The following CFTR variants were observed in gnomAD, a reference collection of about 807,000 sequenced individuals.
CFTR encodes CF transmembrane conductance regulator.
Under a neutral mutation model 171.6 loss-of-function variants are expected in CFTR, and 181 were observed. That is an observed-to-expected ratio of 1.05 (90% CI 0.93 to 1.19). The LOEUF (loss-of-function observed/expected upper bound fraction) is 1.19, where lower values mean the gene tolerates loss of function less well. Among genes scored for constraint, CFTR ranks in the 50% most tolerant of loss-of-function variants. The pLI, the probability that CFTR is intolerant of heterozygous loss-of-function variation, is 0.00. For synonymous variants in CFTR, 583 were observed against 608.0 expected (o/e 0.96, Z 0.60); for missense variants, 1,968 against 1,734.7 (o/e 1.13, Z -2.39).
intron 15 of CFTR, among the ~76,000 whole-genome samples, chr7:117,596,438 C>G (rs979347476): frequency 6.6e-6 from 1 of 152,246 alleles, no homozygotes; most frequent in African/African-American, 2.4e-5. Context: ...CTGACGAGCA[C>G]CGCCCCCTGC....
At chr7:117,583,871 C>G (rs1791890145) in intron 11 of CFTR, among the ~76,000 whole-genome samples, 1 of 152,068 alleles carries the variant, frequency 6.6e-6, no homozygotes, top group Non-Finnish European at 1.5e-5. Flanking sequence ...GCTATTCTTG[C>G]AGGAGTAAGA....
At position 117,642,739 on chromosome 7, in the gene CFTR, T is replaced by C. The variant is rs1395008514; in HGVS notation, c.3873+146T>C. 4 of 856,270 alleles carry C rather than the reference T, an allele frequency of 4.7e-6. No homozygotes were observed. In the East Asian group the frequency reaches 1.1e-4, roughly 23 times the overall value. The allele number at this position is 856,270 out of a possible 1,614,324, so 53.0% of individuals were successfully genotyped here. A position where few individuals can be genotyped will look rare whatever the true frequency, so the allele number is the denominator to read the frequency against. ...TTTTTTCTCCAGTGCAGTTTTCTCA[T>C]AGGCAGAAAAGATGTCTCTAAAAGT... On this transcript the variant is annotated intron_variant, in intron 23 of 26. Coordinates refer to ENST00000003084, the MANE Select transcript of CFTR (RefSeq NM_000492.4).
At chr7:117,604,365 A>AT (rs1400376431) in intron 17 of CFTR, among the ~76,000 whole-genome samples, 1 of 152,192 alleles carries the variant, frequency 6.6e-6, no homozygotes, top group African/African-American at 2.4e-5. Flanking sequence ...AAAGAAATCA[A>AT]TTATGTTGAT....
At chr7:117,546,081 C>T (rs914741015) in intron 9 of CFTR, among the ~76,000 whole-genome samples, 3 of 152,066 alleles carry the variant, frequency 2.0e-5, no homozygotes, top group African/African-American at 7.2e-5. Flanking sequence ...GGAACCTCTG[C>T]TGCCCGGGTT....
chr7:117,540,202 C>G lies in CFTR; in HGVS notation c.972C>G (p.Pro324=), dbSNP rs1799834. 8.7e-6 allele frequency: 14 copies of G among 1,614,042 alleles called. No homozygotes were observed. The highest frequency in any genetic ancestry group is 1.7e-5 in the Admixed American group (1 of 60,004). Residue 324 remains proline, a synonymous_variant, in exon 8 of 27, where the codon CCC becomes CCG. Coordinates refer to ENST00000003084, the MANE Select transcript of CFTR (RefSeq NM_000492.4). ...TTGTGGTGTTTTTATCTGTGCTTCCCTATGCACTAATCAAAGGAATCATCC... is the reference window on the plus strand; with the variant it reads ...TTGTGGTGTTTTTATCTGTGCTTCCGTATGCACTAATCAAAGGAATCATCC... ...GFFVVFLSVL[P]YALIKGIILR... is the part of the protein sequence containing the mutation.
intron 1 of CFTR, among the ~76,000 whole-genome samples, chr7:117,490,312 TACACACAC>T (rs3034759): frequency 0.024 from 3,341 of 136,852 alleles, 64 homozygotes; most frequent in African/African-American, 0.049. Context: ...GAACCAATGA[TACACACAC>T]ACACACACAC....
chr7:117,586,112 T>G (rs1181459193), intron 11 of CFTR: 1 of 152,176 alleles, frequency 6.6e-6, no homozygotes, highest in African/African-American at 2.4e-5. Context: ...ACCTTCTAAA[T>G]TAGGTGTGAA....
rs1799291249 is a variant in CFTR, at chr7:117,552,623, C to T, written c.1392+3800C>T. On this transcript the variant is annotated intron_variant, in intron 10 of 26. Transcript: ENST00000003084. ...TTACTGTCTCTCATCTGTCCATTTT[C>T]CATTCTCCTGCATTCCCTCATCCAA... is the stretch of plus-strand genomic sequence containing the variant. 3.3e-5 allele frequency among the ~76,000 whole-genome samples: 5 copies of T among 152,040 alleles called. No individual in the cohort carries two copies. The South Asian group carries it at 1.0e-3, about 32-fold the overall frequency.
rs1226168785 is a variant in CFTR at position 117,529,384 on chromosome 7, GA to G, written c.274-1514del. ...ACTGTGGTGGGGTCGGGGGAGGGGG[GA>G]GGGATAGCATTGGGAGATATACCTA... is the stretch of plus-strand genomic sequence containing the variant. On this transcript the variant is annotated intron_variant, in intron 3 of 26. Transcript: ENST00000003084. Among the ~76,000 whole-genome samples the G allele has an allele frequency of 5.5e-5, 6 of 108,614 alleles. No homozygotes were observed. The Admixed American group carries it at 6.1e-4, about 11-fold the overall frequency. The allele number at this position is 108,614 out of a possible 152,430, so 71.3% of individuals were successfully genotyped here.
chr7:117,657,673 T>G (rs999040825), intron 24 of CFTR, among the ~76,000 whole-genome samples: 1 of 152,190 alleles, frequency 6.6e-6, no homozygotes, highest in Non-Finnish European at 1.5e-5. Flanking sequence ...CAAACCAGGA[T>G]GTATGTCATC....
intron 24 of CFTR, among the ~76,000 whole-genome samples, chr7:117,658,797 AC>A (rs1584845870): frequency 6.6e-6 from 1 of 152,022 alleles, no homozygotes; most frequent in African/African-American, 2.4e-5. Flanking sequence ...ACCTGACACC[AC>A]TATTAACACT....
chr7:117,530,845 G>T (rs890657569), intron 3 of CFTR, 54 bp from the exon 4 acceptor site: 4 of 1,201,792 alleles, frequency 3.3e-6, no homozygotes, highest in Non-Finnish European at 4.9e-6. Flanking sequence ...AATTCTCAGG[G>T]TATTTTATGA....
intron 24 of CFTR, among the ~76,000 whole-genome samples, chr7:117,662,430 T>C (rs1379938944): frequency 2.0e-5 from 3 of 152,158 alleles, no homozygotes; most frequent in African/African-American, 2.4e-5. Flanking sequence ...GCTTAAGAGA[T>C]GATCAGGGAT....
intron 1 of CFTR, among the ~76,000 whole-genome samples, chr7:117,503,445 T>TCTGCCTCCTC (rs1220843266): frequency 6.6e-6 from 1 of 152,250 alleles, no homozygotes; most frequent in Non-Finnish European, 1.5e-5. Flanking sequence ...CAATCCTTCT[T>TCTGCCTCCTC]CTGCCTCCTC....
At chr7:117,543,140 A>G (rs1196682354) in intron 9 of CFTR, among the ~76,000 whole-genome samples, 2 of 152,214 alleles carry the variant, frequency 1.3e-5, no homozygotes, top group Non-Finnish European at 2.9e-5. Flanking sequence ...TGGGTTGTGT[A>G]AAGGTAGGAG....
chr7:117,558,381 C>T (rs555309381), intron 10 of CFTR, among the ~76,000 whole-genome samples: 3 of 151,830 alleles, frequency 2.0e-5, no homozygotes, highest in African/African-American at 7.3e-5. Context: ...AGTGAAACTC[C>T]GTCTCTACTA....
intron 26 of CFTR, among the ~76,000 whole-genome samples, chr7:117,666,564 A>G (rs1418322904): frequency 5.9e-5 from 9 of 152,158 alleles, no homozygotes; most frequent in Admixed American, 5.9e-4. Context: ...ATCACTGTGG[A>G]AGAGGCTCAA....
chr7:117,655,899 G>T (rs960673503), intron 24 of CFTR, among the ~76,000 whole-genome samples: 28 of 152,092 alleles, frequency 1.8e-4, no homozygotes, highest in Non-Finnish European at 3.4e-4. Context: ...GGGCAGGCTA[G>T]CTCTCTGGGA....
intron 10 of CFTR, among the ~76,000 whole-genome samples, chr7:117,550,787 T>G (rs1799256545): frequency 6.6e-6 from 1 of 152,198 alleles, no homozygotes; most frequent in South Asian, 2.1e-4. Flanking sequence ...GACAGTGCAG[T>G]TATAGCTTAT....
Sources: gnomAD v4.1 joint callset for allele counts (sites outside exome capture counted in the v4.1 genomes callset) on GRCh38, gnomAD v4.1.1 for gene constraint, MANE v1.5 for transcripts, NCBI Gene and HGNC (gene_info 2026-07-23, HGNC 2026-07-21) for gene names.